DCDC1: variants seen among roughly 807,000 people sequenced by gnomAD.
The protein encoded by DCDC1 is doublecortin domain containing 1, also known as doublecortin domain-containing protein 1.
Under a neutral mutation model 178.3 loss-of-function variants are expected in DCDC1, and 200 were observed. The ratio of observed to expected loss-of-function variants is 1.12; its 90% confidence interval spans 1.00 to 1.26. The LOEUF is 1.26. DCDC1 is among the 50% of genes most tolerant of loss of function. DCDC1 has a pLI of 0.00. For missense variants in DCDC1, 1,983 were observed against 1,749.2 expected (o/e 1.13, Z -2.38); for synonymous variants, 690 against 604.8 (o/e 1.14, Z -2.07).
intron 7 of DCDC1, among the ~76,000 whole-genome samples, chr11:31,268,328 A>G (rs1175125853): frequency 6.6e-6 from 1 of 152,172 alleles, no homozygotes; most frequent in African/African-American, 2.4e-5. Context: ...TAAAAAAATT[A>G]TTTTAAATAT....
intron 9 of DCDC1, among the ~76,000 whole-genome samples, chr11:31,194,768 A>C (rs984414085): frequency 2.6e-5 from 4 of 151,986 alleles, no homozygotes; most frequent in African/African-American, 9.7e-5. Flanking sequence ...TTCATTTCTT[A>C]TCATTTTCTT....
chr11:31,263,809 A>G (rs1346729314), intron 8 of DCDC1, among the ~76,000 whole-genome samples: 1 of 152,138 alleles, frequency 6.6e-6, no homozygotes, highest in African/African-American at 2.4e-5. Flanking sequence ...CGGAATCACT[A>G]CCCTTGCAGT....
intron 20 of DCDC1, among the ~76,000 whole-genome samples, chr11:31,038,228 T>C (rs113555812): frequency 0.021 from 2,652 of 124,170 alleles, 68 homozygotes; most frequent in African/African-American, 0.075. Context: ...TATATATATA[T>C]ACACACACAC....
chr11:31,262,679 TAA>T (rs1944875507), intron 8 of DCDC1: 1 of 176,660 alleles, frequency 5.7e-6, no homozygotes, highest in South Asian at 2.0e-4. Context: ...AACTTTCACA[TAA>T]AACTTGACCT....
intron 20 of DCDC1, among the ~76,000 whole-genome samples, chr11:31,022,643 TTGTGTGTGTGTGTGTG>T (rs4067986): frequency 5.0e-5 from 6 of 120,950 alleles, no homozygotes; most frequent in East Asian, 2.3e-4. Context: ...GTCTTTTAGT[TTGTGTGTGTGTGTGTG>T]TGTGTGTGTG....
chr11:31,092,569 C>G (rs1957882407), intron 16 of DCDC1, among the ~76,000 whole-genome samples: 1 of 152,180 alleles, frequency 6.6e-6, no homozygotes, highest in Non-Finnish European at 1.5e-5. Flanking sequence ...GTAACTTTCC[C>G]AATGTCACAC....
chr11:31,104,218 T>G (rs902588403), intron 13 of DCDC1, among the ~76,000 whole-genome samples: 6 of 152,172 alleles, frequency 3.9e-5, no homozygotes, highest in African/African-American at 1.4e-4. Context: ...TTACATATTG[T>G]TAGGCACACT....
chr11:31,124,836 A>C (rs1053158572), intron 11 of DCDC1, among the ~76,000 whole-genome samples: 1 of 152,196 alleles, frequency 6.6e-6, no homozygotes, highest in Non-Finnish European at 1.5e-5. Flanking sequence ...TTAGAAGAAA[A>C]TCTAGGCAAT....
chr11:30,954,279 T>C (rs1262949435), intron 20 of DCDC1, among the ~76,000 whole-genome samples: 2 of 151,988 alleles, frequency 1.3e-5, no homozygotes, highest in African/African-American at 4.8e-5. Context: ...CCTCCCAAAG[T>C]GCTGGGATTA....
At position 30,960,847 on chromosome 11, in the gene DCDC1, T is replaced by C. The variant is rs75814225; in HGVS notation, c.2592-8279A>G. On this transcript the variant is annotated intron_variant, in intron 20 of 38. Coordinates refer to ENST00000684477, the MANE Select transcript of DCDC1 (RefSeq NM_001387274.1). ...GCAATTTTATTTATTTAATATAATG[T>C]CTTTATTAGCTTTGCCTTCCCATTA... Among the ~76,000 whole-genome samples, 747 of 152,142 alleles carry C rather than the reference T, an allele frequency of 4.9e-3. 9 individuals are homozygous for C. The highest frequency in any genetic ancestry group is 0.017 in the African/African-American group (718 of 41,462).
chr11:31,064,998 C>G (rs372031524), intron 19 of DCDC1, 21 bp downstream of exon 19: 2 of 718,834 alleles, frequency 2.8e-6, no homozygotes, highest in African/African-American at 3.5e-5. Flanking sequence ...TTCTGTCTTG[C>G]CTCTGGCTCC....
intron 18 of DCDC1, among the ~76,000 whole-genome samples, chr11:31,074,087 A>G (rs1051384182): frequency 2.0e-5 from 3 of 152,168 alleles, no homozygotes; most frequent in Non-Finnish European, 2.9e-5. Flanking sequence ...AGTAACAGTT[A>G]AAGAGAACAC....
At chr11:31,142,273 C>T (rs1204313811) in intron 9 of DCDC1, among the ~76,000 whole-genome samples, 4 of 152,128 alleles carry the variant, frequency 2.6e-5, no homozygotes, top group Admixed American at 1.3e-4. Flanking sequence ...TGAGTCTGTA[C>T]CCTTTCAAAT....
chr11:30,901,828 A>G (rs1254404368), intron 32 of DCDC1, among the ~76,000 whole-genome samples: 1 of 152,210 alleles, frequency 6.6e-6, no homozygotes, highest in Non-Finnish European at 1.5e-5. Context: ...AAATGTTCAC[A>G]TAATTCTTTC....
intron 9 of DCDC1, among the ~76,000 whole-genome samples, chr11:31,235,897 T>C (rs1976390839): frequency 6.6e-6 from 1 of 152,030 alleles, no homozygotes; most frequent in Admixed American, 6.6e-5. Context: ...TCAATAAAGC[T>C]CTCTGGTTTT....
intron 3 of DCDC1, among the ~76,000 whole-genome samples, chr11:31,310,308 ATTTTTTTTTTTTTTTT>A (rs11407483): frequency 3.7e-5 from 2 of 53,864 alleles, no homozygotes; most frequent in Non-Finnish European, 6.3e-5. Flanking sequence ...GTAATTCTTG[ATTTTTTTTTTTTTTTT>A]TTTTTTTTTT....
chr11:30,912,438 T>G (rs1420384614), intron 27 of DCDC1, among the ~76,000 whole-genome samples: 1 of 152,080 alleles, frequency 6.6e-6, no homozygotes, highest in Non-Finnish European at 1.5e-5. Context: ...CATGTGCCAC[T>G]ACGCCCAGCT....
intron 9 of DCDC1, among the ~76,000 whole-genome samples, chr11:31,154,577 C>G (rs1965530517): frequency 6.6e-6 from 1 of 152,156 alleles, no homozygotes; most frequent in Non-Finnish European, 1.5e-5. Flanking sequence ...TCATGTCTAG[C>G]ACAGAATAGA....
rs1158579334 is a variant in DCDC1 at position 30,888,104 on chromosome 11, A to AAG, written c.5082+4712_5082+4713dup. 2.5e-3 allele frequency among the ~76,000 whole-genome samples: 257 copies of AAG among 102,306 alleles called. 2 individuals are homozygous for AAG. The highest frequency in any genetic ancestry group is 7.2e-3 in the Admixed American group (63 of 8,764). 67.1% of individuals were successfully genotyped at this position (102,306 alleles called of 152,430 possible). On this transcript the variant is annotated intron_variant, in intron 36 of 38. Transcript: ENST00000684477. ...AGAGAGAAAGAAAGAAAGAAAAAGA[A>AAG]AGAAAGAAAGAAAGAAAGAAAGAAA...
Sources: gnomAD v4.1 joint callset for allele counts (sites outside exome capture counted in the v4.1 genomes callset) on GRCh38, gnomAD v4.1.1 for gene constraint, MANE v1.5 for transcripts, NCBI Gene and HGNC (gene_info 2026-07-23, HGNC 2026-07-21) for gene names.